Variants in C11orf65 observed in about 807,000 individuals in gnomAD.
The protein encoded by C11orf65 is protein MFI.
C11orf65 carries 38 observed loss-of-function variants against 35.3 expected under a neutral mutation model. The ratio of observed to expected loss-of-function variants is 1.08; its 90% CI spans 0.83 to 1.41. C11orf65 has a LOEUF of 1.41. Ranked by LOEUF, C11orf65 falls within the 40% of genes most tolerant of loss-of-function variation. The pLI, the probability that C11orf65 is intolerant of heterozygous loss-of-function variation, is 0.00. For synonymous variants in C11orf65, 105 were observed against 114.4 expected, an observed-to-expected ratio of 0.92 and a Z score of 0.53; for missense variants, 370 against 367.1, an observed-to-expected ratio of 1.01 and a Z score of -0.06.
At chr11:108,326,231 T>G (rs1169579742) in intron 6 of C11orf65, 2 of 1,612,924 alleles carry the variant, frequency 1.2e-6, no homozygotes, top group African/African-American at 1.3e-5. Flanking sequence ...CAGCGGTTTG[T>G]TTTTTTTATT....
Position 108,405,479 on chromosome 11 carries a change from T to C in C11orf65, c.510A>G (p.Gln170=). The C allele has an allele frequency of 6.2e-7, 1 of 1,613,756 alleles. No individual in the cohort carries two copies. Among genetic ancestry groups the C allele is most frequent in the Non-Finnish European group, 8.5e-7 (1 of 1,179,862 alleles). ...EFHFSKLKRR[Q]DLEKKRKLRK... is the part of the protein sequence containing the mutation. Reference sequence around the variant, plus strand: ...TAAGTTTTCTTTTCTTTTCCAAATCTTGCCTTCTCTTCAGTTTAGAGAAAT... The same window carrying C: ...TAAGTTTTCTTTTCTTTTCCAAATCCTGCCTTCTCTTCAGTTTAGAGAAAT... The change falls in exon 6 of 9, where the codon CAA becomes CAG. Residue 170 remains glutamine (Q), a synonymous_variant. Transcript: ENST00000393084.
At chr11:108,449,243 C>T (rs2093311806) in intron 2 of C11orf65, among the ~76,000 whole-genome samples, 1 of 152,010 alleles carries the variant, frequency 6.6e-6, no homozygotes, top group African/African-American at 2.4e-5. Context: ...CCATCCCCAT[C>T]AAGCTACCAA....
intron 3 of C11orf65, chr11:108,333,037 C>T: frequency 7.3e-6 from 8 of 1,098,576 alleles, no homozygotes; most frequent in Non-Finnish European, 1.0e-5. Context: ...TATCTGATGG[C>T]TTCAGCATTC....
At chr11:108,319,844 G>T in intron 6 of C11orf65, 1 of 737,312 alleles carries the variant, frequency 1.4e-6, no homozygotes, top group Non-Finnish European at 2.3e-6. Context: ...GCATTTTTTA[G>T]AATGGAGAAA....
intron 7 of C11orf65, among the ~76,000 whole-genome samples, chr11:108,387,997 A>G (rs1272882733): frequency 6.6e-6 from 1 of 152,180 alleles, no homozygotes. Context: ...AACTCCTTCC[A>G]CAATCTCTCA....
chr11:108,337,680 A>T (rs919874852), intron 2 of C11orf65, among the ~76,000 whole-genome samples: 1 of 152,234 alleles, frequency 6.6e-6, no homozygotes, highest in African/African-American at 2.4e-5. Context: ...TTGATGATCT[A>T]TTAGCTATCT....
chr11:108,373,871 A>C (rs1414585241), intron 2 of C11orf65, among the ~76,000 whole-genome samples: 1 of 152,218 alleles, frequency 6.6e-6, no homozygotes, highest in East Asian at 1.9e-4. Flanking sequence ...CCAGGAAATT[A>C]TATCCCGCAC....
Position 108,446,671 on chromosome 11 carries a change from C to T in C11orf65, c.81+14808G>A, listed in dbSNP as rs1215937266. On this transcript the variant is annotated intron_variant, in intron 2 of 8. Transcript: ENST00000393084. ...AAGGAACAACCGGTACCAGCCACTG[C>T]AAAATCATGCCAAAATGTAAAGACC... Among the ~76,000 whole-genome samples the T allele has an allele frequency of 1.9e-4, 29 of 152,244 alleles. No individual in the cohort carries two copies. The East Asian group carries it at 5.6e-3, about 29-fold the overall frequency.
In C11orf65 at chr11:108,396,875, A is replaced by AAAT. The variant is rs1555162852; in HGVS notation, c.561-3498_561-3497insATT. 7.9e-4 allele frequency among the ~76,000 whole-genome samples: 110 copies of AAAT among 139,110 alleles called. 3 individuals are homozygous for AAAT. The highest frequency in any genetic ancestry group is 6.7e-3 in the South Asian group (29 of 4,342). The allele number at this position is 139,110 out of a possible 152,430, so 91.3% of individuals were successfully genotyped here. A position where few individuals can be genotyped will look rare whatever the true frequency, so the allele number is the denominator to read the frequency against. On this transcript the variant is annotated intron_variant, in intron 6 of 8. Transcript: ENST00000393084. ...TAAATAAATAAATAAATAAATAAAT[A>AAAT]AAATAAAATAGTTACTATTATAATT...
At chr11:108,392,663 A>T (rs2092193947) in intron 7 of C11orf65, among the ~76,000 whole-genome samples, 2 of 152,198 alleles carry the variant, frequency 1.3e-5, no homozygotes, top group South Asian at 4.1e-4. Context: ...ACATTCTTGC[A>T]AACACTTGTT....
intron 2 of C11orf65, among the ~76,000 whole-genome samples, chr11:108,363,281 A>G (rs953168149): frequency 1.3e-5 from 2 of 152,064 alleles, no homozygotes; most frequent in African/African-American, 4.8e-5. Context: ...CTATTTCTGA[A>G]CTGATCTCCC....
intron 2 of C11orf65, among the ~76,000 whole-genome samples, chr11:108,447,166 T>A (rs1203344801): frequency 6.6e-6 from 1 of 151,968 alleles, no homozygotes; most frequent in Non-Finnish European, 1.5e-5. Context: ...GGACTTAGAC[T>A]CCCACACAAT....
At chr11:108,320,206 C>A (rs1438111953) in intron 6 of C11orf65, 5 of 662,054 alleles carry the variant, frequency 7.6e-6, no homozygotes, top group South Asian at 5.8e-5. Flanking sequence ...CCTTGTAATT[C>A]TCTGCCCTCC....
chr11:108,362,986 C>T (rs948848323), intron 2 of C11orf65, among the ~76,000 whole-genome samples: 2 of 151,924 alleles, frequency 1.3e-5, no homozygotes, highest in Admixed American at 1.3e-4. Context: ...ACAAAACAAA[C>T]AAACAAAAAA....
intron 3 of C11orf65, among the ~76,000 whole-genome samples, chr11:108,418,577 C>A (rs532418045): frequency 1.5e-3 from 226 of 152,082 alleles, no homozygotes; most frequent in African/African-American, 5.3e-3. Flanking sequence ...TCAATAAATT[C>A]AGCATCCATT....
At chr11:108,362,201 CTCA>C (rs1204616723) in intron 2 of C11orf65, among the ~76,000 whole-genome samples, 1 of 145,854 alleles carries the variant, frequency 6.9e-6, no homozygotes, top group Non-Finnish European at 1.5e-5. Context: ...TGAAAAAATG[CTCA>C]TCATCACTGG....
chr11:108,386,877 C>T (rs909741346), intron 7 of C11orf65, among the ~76,000 whole-genome samples: 2 of 151,922 alleles, frequency 1.3e-5, no homozygotes, highest in Non-Finnish European at 2.9e-5. Context: ...GTCAGGAGAT[C>T]GAGACGACCC....
At chr11:108,410,540 G>A (rs11212615) in intron 3 of C11orf65, among the ~76,000 whole-genome samples, 75,958 of 151,630 alleles carry the variant, frequency 0.5, 20,341 homozygotes, top group Middle Eastern at 0.72. Flanking sequence ...TTTTTTGTAG[G>A]TAAGGGATTT....
At chr11:108,468,911 C>T (rs896412480), upstream of C11orf65, among the ~76,000 whole-genome samples, 1 of 152,068 alleles carries the variant, frequency 6.6e-6, no homozygotes, top group Non-Finnish European at 1.5e-5. Context: ...CAAGACCAGC[C>T]TGGACAACAT....
Sources: allele counts gnomAD v4.1 joint callset (sites outside exome capture counted in the v4.1 genomes callset), GRCh38; gene constraint gnomAD v4.1.1; transcripts MANE v1.5; gene names NCBI Gene and HGNC (gene_info 2026-07-23, HGNC 2026-07-21).